PIEZO1: variants seen among roughly 807,000 people sequenced by gnomAD.
PIEZO1 encodes piezo-type mechanosensitive ion channel component 1.
PIEZO1 carries 296 observed loss-of-function variants against 297.2 expected under a neutral mutation model. That is an observed-to-expected ratio of 1.00 (90% confidence interval 0.91 to 1.10). The LOEUF (loss-of-function observed/expected upper bound fraction) is 1.10. PIEZO1 is among the 50% of genes least tolerant of loss of function. The pLI is 0.00. For missense variants in PIEZO1, 5,018 were observed against 3,455.5 expected (o/e 1.45, Z -11.34); for synonymous variants, 2,427 against 1,507.5 (o/e 1.61, Z -14.13).
chr16:88,722,518 G>A, intron 35 of PIEZO1, 65 bp downstream of exon 35: 2 of 1,435,280 alleles, frequency 1.4e-6, no homozygotes, highest in Admixed American at 2.4e-5. Context: ...CGAGGGTCGG[G>A]GATGGCTAGG....
At chr16:88,773,170 T>C (rs961837715) in intron 1 of PIEZO1, among the ~76,000 whole-genome samples, 1 of 152,224 alleles carries the variant, frequency 6.6e-6, no homozygotes, top group Non-Finnish European at 1.5e-5. Context: ...TGGGTCTCAT[T>C]GATTCAGGCT....
At chr16:88,737,293 G>GC (rs1293038931) in intron 10 of PIEZO1, 3 of 428,470 alleles carry the variant, frequency 7.0e-6, no homozygotes, top group Admixed American at 8.5e-5. Context: ...GGACCTGGAG[G>GC]CCCCCCATGG....
In PIEZO1 at chr16:88,717,102, A is replaced by G. The variant is rs1194064948; in HGVS notation, c.6581T>C (p.Met2194Thr). The change falls in exon 45 of 51, where the codon ATG becomes ACG. Residue 2194 changes from methionine (M) to threonine (T), a missense_variant. Physicochemically the swap from Met to Thr is moderately conservative, Grantham distance 81 (BLOSUM62 -1). Coordinates refer to ENST00000301015, the MANE Select transcript of PIEZO1 (RefSeq NM_001142864.4). The stretch of plus-strand genomic sequence containing the variant: ...CCCAACCACGGAGCGCACCAGCGAC[A>G]TGAAGAGCAGTGGGAACCAGATGAT... The part of the protein sequence containing the change: ...IAIIWFPLLF[M>T]SLVRSVVGVV... 1.3e-6 allele frequency: 2 copies of G among 1,551,384 alleles called. No homozygotes were observed. Among genetic ancestry groups the G allele is most frequent in the African/African-American group, 1.4e-5 (1 of 73,190 alleles).
rs931729619 is a variant in PIEZO1, at chr16:88,733,280, C to T, written c.2662G>A (p.Glu888Lys). 18 of 1,539,708 alleles carry T rather than the reference C, an allele frequency of 1.2e-5. No homozygotes were observed. Among genetic ancestry groups the T allele is most frequent in the African/African-American group, 2.7e-5 (2 of 72,872 alleles). Residue 888 changes from glutamate (E) to lysine (K), a missense_variant and splice_region_variant, in exon 19 of 51, where the codon GAG (glutamate) becomes AAG (lysine). Physicochemically the swap from Glu to Lys is moderately conservative, Grantham distance 56. Transcript: ENST00000301015. Reference sequence around the variant, plus strand: ...TCCCAGCCCTCGGGGGCCGGTACCTCGGTGCAGTTGCTGGAATACTCCTGG... The same window carrying T: ...TCCCAGCCCTCGGGGGCCGGTACCTTGGTGCAGTTGCTGGAATACTCCTGG... ...NPQEYSSNCT[E>K]PFPNSTNLLP... is the part of the protein sequence containing the mutation.
At chr16:88,728,180 G>A (rs1404377913) in intron 22 of PIEZO1, among the ~76,000 whole-genome samples, 7 of 152,338 alleles carry the variant, frequency 4.6e-5, no homozygotes, top group Non-Finnish European at 2.9e-5. Flanking sequence ...CTGACGTGGC[G>A]TTCTGATAGG....
intron 5 of PIEZO1, chr16:88,740,028 G>A (rs1235887598): frequency 6.8e-6 from 1 of 146,036 alleles, no homozygotes; most frequent in East Asian, 1.9e-4. Flanking sequence ...CCTGACTTGG[G>A]GTGTGAGGCC....
chr16:88,742,456 G>A (rs1330607241), intron 2 of PIEZO1, 34 bp from the exon 3 acceptor site: 3 of 1,528,836 alleles, frequency 2.0e-6, no homozygotes, highest in Non-Finnish European at 2.6e-6. Context: ...GCTGGTCCCG[G>A]GGACGGGGAG....
At chr16:88,770,390 G>C (rs919959781) in intron 1 of PIEZO1, among the ~76,000 whole-genome samples, 2 of 152,250 alleles carry the variant, frequency 1.3e-5, no homozygotes, top group African/African-American at 4.8e-5. Flanking sequence ...ACCTTTAGGA[G>C]TCTGCAGTTC....
chr16:88,726,990 C>G (rs1040897318), intron 24 of PIEZO1, 32 bp from the exon 25 acceptor site: 1 of 1,549,118 alleles, frequency 6.5e-7, no homozygotes, highest in Admixed American at 2.0e-5. Flanking sequence ...GCGGGCGCCC[C>G]GGCCACCCCT....
intron 1 of PIEZO1, among the ~76,000 whole-genome samples, chr16:88,775,838 TCAAAAGA>T (rs1255840114): frequency 8.1e-5 from 12 of 148,686 alleles, no homozygotes; most frequent in Non-Finnish European, 1.6e-4. Flanking sequence ...CACCAACAGG[TCAAAAGA>T]CAAAAGACCC....
chr16:88,765,353 G>T (rs960071031), intron 1 of PIEZO1, among the ~76,000 whole-genome samples: 4 of 152,210 alleles, frequency 2.6e-5, no homozygotes, highest in African/African-American at 4.8e-5. Flanking sequence ...CACTGGGACA[G>T]GGCAGGAGAG....
At chr16:88,751,472 C>T (rs796480330) in intron 1 of PIEZO1, among the ~76,000 whole-genome samples, 5 of 152,216 alleles carry the variant, frequency 3.3e-5, no homozygotes, top group Admixed American at 3.3e-4. Context: ...GGGCTCAAGG[C>T]GGCCTCGGCT....
At chr16:88,731,268 G>A (rs1158385330) in intron 22 of PIEZO1, 6 of 206,846 alleles carry the variant, frequency 2.9e-5, no homozygotes, top group South Asian at 1.6e-4. Context: ...GAATGCAGAG[G>A]ACACGTTTGA....
At chr16:88,727,241 G>A (rs1485951702) in intron 23 of PIEZO1, 49 bp from the exon 24 acceptor site, 1 of 1,484,794 alleles carries the variant, frequency 6.7e-7, no homozygotes, top group Non-Finnish European at 9.0e-7. Context: ...CCCACACGAG[G>A]TGGGCACGGC....
chr16:88,719,979 G>T lies in PIEZO1; in HGVS notation c.6165-19C>A. 1 of 1,549,882 alleles carries T rather than the reference G, an allele frequency of 6.5e-7. No homozygotes were observed. The highest frequency in any genetic ancestry group is 8.7e-7 in the Non-Finnish European group (1 of 1,146,672). On this transcript the variant is annotated intron_variant, in intron 42 of 50. Transcript: ENST00000301015. ...GAACATCCTGGGGCGGGATGGCCAG[G>T]TCAAGGACCCCATCAGAAACAGCCC...
At chr16:88,732,861 G>C (rs1904958750) in intron 19 of PIEZO1, 129 bp from the exon 20 acceptor site, 3 of 927,206 alleles carry the variant, frequency 3.2e-6, no homozygotes, top group Non-Finnish European at 4.8e-6. Context: ...GGGGCTGCCA[G>C]CCTTGGAGCC....
At position 88,734,801 on chromosome 16, in the gene PIEZO1, G is replaced by A. The variant is rs986841317; in HGVS notation, c.1849-3C>T. The A allele has an allele frequency of 2.6e-6, 4 of 1,550,294 alleles. No homozygotes were observed. Among genetic ancestry groups the A allele is most frequent in the East Asian group, 2.4e-5 (1 of 40,912 alleles). On this transcript the variant is annotated splice_region_variant and splice_polypyrimidine_tract_variant and intron_variant, in intron 14 of 50. Transcript: ENST00000301015. The stretch of plus-strand genomic sequence containing the variant: ...TTCCGCCACAGGCTGTAGTAGACCT[G>A]CCGGGTGAGGTGGGGGTGGTGAGGA...
rs780881526 is a variant in PIEZO1 at position 88,725,624 on chromosome 16, C to T, written c.4029G>A (p.Glu1343=). The T allele has an allele frequency of 1.4e-5, 21 of 1,549,680 alleles. No individual in the cohort carries two copies. The South Asian group carries it at 1.9e-4, about 14-fold the overall frequency. ...LKSIDFHRRI[E]EKSLAQLKRQ... is the part of the protein sequence containing the mutation. Reference sequence around the variant, plus strand: ...TTTTCAGCTGGGCCAGGGACTTCTCCTCTATCCTGCGGTGAAAGTCAATGC... The same window carrying T: ...TTTTCAGCTGGGCCAGGGACTTCTCTTCTATCCTGCGGTGAAAGTCAATGC... The change falls in exon 28 of 51, where the codon GAG becomes GAA. Residue 1343 remains glutamate, a synonymous_variant. Coordinates refer to ENST00000301015, the MANE Select transcript of PIEZO1 (RefSeq NM_001142864.4).
Position 88,723,269 on chromosome 16 carries a change from C to CTCCTGT in PIEZO1, c.4394_4395insACAGGA (p.Glu1467_Gln1468dup). On this transcript the variant is annotated inframe_insertion, in exon 32 of 51. Transcript: ENST00000301015. ...CCTGTTCCTGCCTTGCCTGCTCCTG[C>CTCCTGT]TCCTGCTGCCGCCGCCTCAGCACCG... 1 of 1,543,642 alleles carries CTCCTGT rather than the reference C, an allele frequency of 6.5e-7. No homozygotes were observed. The highest frequency in any genetic ancestry group is 8.7e-7 in the Non-Finnish European group (1 of 1,146,812).
Sources: gnomAD v4.1 joint callset for allele counts (sites outside exome capture counted in the v4.1 genomes callset) on GRCh38, gnomAD v4.1.1 for gene constraint, MANE v1.5 for transcripts, NCBI Gene and HGNC (gene_info 2026-07-23, HGNC 2026-07-21) for gene names.